The following PLA2R1 variants were observed in gnomAD, a reference collection of about 807,000 sequenced individuals.
PLA2R1 encodes the protein phospholipase A2 receptor 1.
Under a neutral mutation model 195.9 loss-of-function variants are expected in PLA2R1, and 158 were observed. The observed-to-expected ratio is 0.81, with a 90% CI of 0.71 to 0.92. The LOEUF (loss-of-function observed/expected upper bound fraction) is 0.92, where lower values mean the gene tolerates loss of function less well. Ranked by LOEUF, PLA2R1 falls within the 40% of genes least tolerant of loss-of-function variation. PLA2R1 has a pLI of 0.00. For missense variants in PLA2R1, 1,626 were observed against 1,764.6 expected, an observed-to-expected ratio of 0.92 and a Z score of 1.41; for synonymous variants, 586 against 598.2, an observed-to-expected ratio of 0.98 and a Z score of 0.30.
At chr2:160,001,159 T>C (rs1691567474) in intron 11 of PLA2R1, among the ~76,000 whole-genome samples, 1 of 152,116 alleles carries the variant, frequency 6.6e-6, no homozygotes, top group African/African-American at 2.4e-5. Flanking sequence ...AAATCATGGC[T>C]AACAGAAATG....
intron 3 of PLA2R1, among the ~76,000 whole-genome samples, chr2:160,040,442 T>C (rs1034244083): frequency 6.6e-6 from 1 of 152,212 alleles, no homozygotes; most frequent in African/African-American, 2.4e-5. Context: ...TCCCTGTATA[T>C]AGATGTATAT....
At chr2:159,947,607 T>G (rs750060694) in intron 25 of PLA2R1, 48 bp from the exon 26 acceptor site, 61 of 1,559,856 alleles carry the variant, frequency 3.9e-5, no homozygotes, top group Non-Finnish European at 3.4e-5. Context: ...CTGGGTTTAT[T>G]TATTGAGATA....
chr2:160,053,194 C>A (rs1251560884), intron 1 of PLA2R1, among the ~76,000 whole-genome samples: 2 of 152,134 alleles, frequency 1.3e-5, no homozygotes, highest in Non-Finnish European at 2.9e-5. Flanking sequence ...CTCTTCACAT[C>A]ATCTCTCTAT....
At position 160,045,057 on chromosome 2, in the gene PLA2R1, G is replaced by GTGCTTGTT. The variant is rs1270237009; in HGVS notation, c.202_209dup (p.His70GlnfsTer18). 21 of 1,614,038 alleles carry GTGCTTGTT rather than the reference G, an allele frequency of 1.3e-5. No individual in the cohort carries two copies. The highest frequency in any genetic ancestry group is 1.7e-5 in the Non-Finnish European group (20 of 1,179,986). ...GGTTTGAAACCCATTTCCACAGCAT[G>GTGCTTGTT]TGCTTGTTTGCTTGCTTGCAGTTCT... is the stretch of plus-strand genomic sequence containing the variant. On this transcript the variant is annotated frameshift_variant, in exon 2 of 30. Transcript: ENST00000283243. LOFTEE classifies it high-confidence loss of function.
intron 3 of PLA2R1, among the ~76,000 whole-genome samples, chr2:160,035,303 T>C (rs925467674): frequency 6.6e-6 from 1 of 152,338 alleles, no homozygotes; most frequent in East Asian, 1.9e-4. Flanking sequence ...AATGTTGTCA[T>C]AGACACTGTG....
At chr2:160,053,360 G>T (rs1355983808) in intron 1 of PLA2R1, among the ~76,000 whole-genome samples, 2 of 130,580 alleles carry the variant, frequency 1.5e-5, no homozygotes, top group Admixed American at 8.0e-5. Context: ...GGGGGGGGGG[G>T]AACAATTCAG....
At chr2:159,948,273 C>T (rs139068065) in intron 25 of PLA2R1, among the ~76,000 whole-genome samples, 2 of 152,250 alleles carry the variant, frequency 1.3e-5, no homozygotes, top group African/African-American at 4.8e-5. Context: ...CTCACTCTGT[C>T]ACCTAGGCTG....
At chr2:159,945,134 T>C (rs1687302362) in intron 27 of PLA2R1, 52 bp from the exon 28 acceptor site, 3 of 1,171,584 alleles carry the variant, frequency 2.6e-6, no homozygotes, top group Non-Finnish European at 3.5e-6. Context: ...TTATCAAACA[T>C]ACTAAGACTG....
intron 26 of PLA2R1, 125 bp downstream of exon 26, chr2:159,947,294 A>C (rs777885519): frequency 2.2e-5 from 17 of 766,660 alleles, no homozygotes; most frequent in Non-Finnish European, 3.5e-5. Flanking sequence ...TTATTTTTTC[A>C]ATAGTTTAGT....
intron 19 of PLA2R1, among the ~76,000 whole-genome samples, chr2:159,968,615 G>A (rs888859976): frequency 6.6e-6 from 1 of 152,204 alleles, no homozygotes; most frequent in Non-Finnish European, 1.5e-5. Flanking sequence ...GCACAGGTTA[G>A]TTATGAATCT....
At position 160,023,285 on chromosome 2, in the gene PLA2R1, A is replaced by G. The variant is rs182667870; in HGVS notation, c.1100-426T>C. On this transcript the variant is annotated intron_variant, in intron 6 of 29. Coordinates refer to ENST00000283243, the MANE Select transcript of PLA2R1 (RefSeq NM_007366.5). The stretch of plus-strand genomic sequence containing the variant: ...GTTACAGGATGAGACAGAAAGTCTC[A>G]TCAAGAAAGCTTGCTAATAAAACAA... Among the ~76,000 whole-genome samples the G allele has an allele frequency of 2.0e-5, 3 of 149,458 alleles. No individual in the cohort carries two copies. In the East Asian group the frequency reaches 5.8e-4, roughly 29 times the overall value.
Position 160,041,570 on chromosome 2 carries a change from A to C in PLA2R1, c.667+455T>G, listed in dbSNP as rs1188645916. Among the ~76,000 whole-genome samples, 3 of 152,220 alleles carry C rather than the reference A, an allele frequency of 2.0e-5. No homozygotes were observed. The South Asian group carries it at 6.2e-4, about 32-fold the overall frequency. ...GGGCAATTGCGATTTTAGAAAGATC[A>C]TCAAGGGGCCAGCTGGTGCCTGGGC... On this transcript the variant is annotated intron_variant, in intron 3 of 29. Transcript: ENST00000283243.
rs1462440076 is a variant in PLA2R1 at position 159,977,339 on chromosome 2, T to A, written c.2346A>T (p.Thr782=). The part of the protein sequence containing the change: ...RNCAVYKANK[T]LLPLHCGSKR... ...TGGAACCACAGTGTAAGGGCAGCAA[T>A]GTTTTGTTTGCCTTATAAACAGCAC... is the stretch of plus-strand genomic sequence containing the variant. The change falls in exon 15 of 30, where the codon ACA becomes ACT. Residue 782 remains threonine (T), a synonymous_variant. Coordinates refer to ENST00000283243, the MANE Select transcript of PLA2R1 (RefSeq NM_007366.5). 1 of 1,613,126 alleles carries A rather than the reference T, an allele frequency of 6.2e-7. No individual in the cohort carries two copies. The highest frequency in any genetic ancestry group is 8.5e-7 in the Non-Finnish European group (1 of 1,179,112).
At chr2:159,926,306 T>C in the PLA2R1 span, among the ~76,000 whole-genome samples, 18 of 152,230 alleles carry the variant, frequency 1.2e-4, no homozygotes, top group Admixed American at 6.5e-5. Context: ...GGAAAGGCGA[T>C]AAATGACTGC....
Position 159,951,365 on chromosome 2 carries a change from T to C in PLA2R1, c.3515A>G (p.His1172Arg). The C allele has an allele frequency of 6.2e-7, 1 of 1,609,180 alleles. No homozygotes were observed. The highest frequency in any genetic ancestry group is 1.3e-5 in the African/African-American group (1 of 74,948). ...ATCTGTGGTGAACAGTCCAATCCAGTGGGCATATCCTAGCCGGTTGAGGAC... is the reference window on the plus strand; with the variant it reads ...ATCTGTGGTGAACAGTCCAATCCAGCGGGCATATCCTAGCCGGTTGAGGAC... ...TVVLNRLGYAHWIGLFTTDNG... is the reference protein window; with the variant it reads ...TVVLNRLGYARWIGLFTTDNG... Residue 1172 changes from histidine (H) to arginine (R), a missense_variant, in exon 24 of 30, where the codon CAC becomes CGC. His to Arg is a conservative substitution (Grantham distance 29). Transcript: ENST00000283243.
intron 10 of PLA2R1, among the ~76,000 whole-genome samples, 166 bp from the exon 11 acceptor site, chr2:160,005,987 A>G (rs2105398467): frequency 6.6e-6 from 1 of 152,326 alleles, no homozygotes; most frequent in Non-Finnish European, 1.5e-5. Context: ...TTACTAATAA[A>G]TGCCGAATGT....
chr2:160,052,948 C>A (rs565483645), intron 1 of PLA2R1, among the ~76,000 whole-genome samples: 2 of 152,226 alleles, frequency 1.3e-5, no homozygotes, highest in African/African-American at 4.8e-5. Flanking sequence ...AACAAACAAA[C>A]AACTTTTAGT....
intron 14 of PLA2R1, 53 bp from the exon 15 acceptor site, chr2:159,977,469 C>G (rs1689652654): frequency 6.4e-7 from 1 of 1,561,302 alleles, no homozygotes; most frequent in African/African-American, 1.4e-5. Flanking sequence ...CACAAAGTTT[C>G]AAAAGATCAA....
At chr2:160,011,707 G>A (rs2667013) in intron 10 of PLA2R1, among the ~76,000 whole-genome samples, 115,088 of 152,178 alleles carry the variant, frequency 0.76, 43,864 homozygotes, top group East Asian at 0.88. Context: ...GAAGTCCAGT[G>A]TTGACTCACT....
Sources: gnomAD v4.1 joint callset for allele counts (sites outside exome capture counted in the v4.1 genomes callset) on GRCh38, gnomAD v4.1.1 for gene constraint, MANE v1.5 for transcripts, NCBI Gene and HGNC (gene_info 2026-07-23, HGNC 2026-07-21) for gene names.